MYOF: variants seen among roughly 807,000 people sequenced by gnomAD.
MYOF encodes fer-1-like 3, myoferlin.
Under a neutral mutation model 284.2 loss-of-function variants are expected in MYOF, and 244 were observed. The ratio of observed to expected loss-of-function variants is 0.86; its 90% CI spans 0.77 to 0.95. MYOF has a LOEUF of 0.95. Among genes scored for constraint, MYOF ranks in the 40% least tolerant of loss-of-function variants. The pLI is 0.00. For synonymous variants in MYOF, 904 were observed against 919.7 expected (o/e 0.98, Z 0.31); for missense variants, 2,496 against 2,560.6 (o/e 0.97, Z 0.54).
At chr10:93,361,011 G>A (rs1418461107) in intron 28 of MYOF, among the ~76,000 whole-genome samples, 3 of 152,082 alleles carry the variant, frequency 2.0e-5, no homozygotes, top group Non-Finnish European at 4.4e-5. Context: ...AGTCACAGAC[G>A]GTACCACATG....
intron 3 of MYOF, among the ~76,000 whole-genome samples, chr10:93,432,966 T>A (rs1234526896): frequency 6.6e-6 from 1 of 152,110 alleles, no homozygotes; most frequent in Non-Finnish European, 1.5e-5. Flanking sequence ...AGAACACACA[T>A]TAGCCAGTCT....
intron 50 of MYOF, among the ~76,000 whole-genome samples, chr10:93,315,002 G>T (rs787673): frequency 0.33 from 50,672 of 152,040 alleles, 9,776 homozygotes; most frequent in East Asian, 0.9. Context: ...AGTGATCCTA[G>T]ATCATGCCAC....
intron 5 of MYOF, among the ~76,000 whole-genome samples, chr10:93,414,365 C>T (rs1459001777): frequency 3.9e-5 from 6 of 152,058 alleles, no homozygotes; most frequent in South Asian, 2.1e-4. Context: ...GGCAAAGCCC[C>T]GTTTCTACTA....
At chr10:93,480,810 G>T (rs1026283117) in intron 1 of MYOF, among the ~76,000 whole-genome samples, 8 of 151,946 alleles carry the variant, frequency 5.3e-5, no homozygotes, top group African/African-American at 1.7e-4. Context: ...TCATTTTCTT[G>T]CTCATCCTCA....
chr10:93,339,611 A>G (rs1843789256), intron 39 of MYOF, among the ~76,000 whole-genome samples: 1 of 151,584 alleles, frequency 6.6e-6, no homozygotes, highest in Admixed American at 6.6e-5. Flanking sequence ...CTGGGATTAC[A>G]AGCACTCACC....
intron 12 of MYOF, among the ~76,000 whole-genome samples, chr10:93,400,640 T>C (rs1301099751): frequency 6.6e-6 from 1 of 152,094 alleles, no homozygotes; most frequent in African/African-American, 2.4e-5. Context: ...AAGGGTCCCA[T>C]GTCCCAGAGC....
At chr10:93,363,920 AG>A (rs774007463) in intron 27 of MYOF, 40 bp downstream of exon 27, 3 of 1,578,286 alleles carry the variant, frequency 1.9e-6, no homozygotes, top group South Asian at 2.2e-5. Flanking sequence ...TCACGATCAG[AG>A]GTGACAGGTG....
chr10:93,381,192 G>A, intron 20 of MYOF, 27 bp downstream of exon 20: 2 of 1,612,618 alleles, frequency 1.2e-6, no homozygotes, highest in Non-Finnish European at 1.7e-6. Flanking sequence ...GTAAACGTGT[G>A]GAGAGAACTG....
intron 7 of MYOF, among the ~76,000 whole-genome samples, chr10:93,406,636 C>T (rs929814569): frequency 3.3e-5 from 5 of 151,708 alleles, no homozygotes; most frequent in African/African-American, 1.2e-4. Flanking sequence ...AGTGCCCCAT[C>T]TCTGTGCAGC....
At chr10:93,443,647 T>TCC (rs1564723602) in intron 3 of MYOF, among the ~76,000 whole-genome samples, 3 of 151,892 alleles carry the variant, frequency 2.0e-5, no homozygotes, top group African/African-American at 7.3e-5. Context: ...TGAGTCTCTC[T>TCC]AGGCATTAAG....
chr10:93,335,524 G>A (rs1843557360), intron 41 of MYOF, among the ~76,000 whole-genome samples: 1 of 152,202 alleles, frequency 6.6e-6, no homozygotes, highest in South Asian at 2.1e-4. Context: ...CATGGTAGGG[G>A]CAGTAGGATG....
At chr10:93,338,206 T>C (rs1843705201) in intron 39 of MYOF, 2 of 479,542 alleles carry the variant, frequency 4.2e-6, no homozygotes, top group Non-Finnish European at 7.7e-6. Flanking sequence ...AATTTGTTGG[T>C]TTTTACATTT....
chr10:93,351,674 A>G lies in MYOF; in HGVS notation c.3654T>C (p.Asn1218=). ...PPKVIMELFD[N]DQVGKDEFLG... ...ATTCTAAACGACCTACCACTTGGTC[A>G]TTGTCAAAAAGTTCCATGATAACTT... Residue 1218 remains asparagine (N), a synonymous_variant, in exon 33 of 54, where the codon AAT becomes AAC. Coordinates refer to ENST00000359263, the MANE Select transcript of MYOF (RefSeq NM_013451.4). 6.3e-7 allele frequency: 1 copy of G among 1,586,116 alleles called. No homozygotes were observed. Among genetic ancestry groups the G allele is most frequent in the South Asian group, 1.2e-5 (1 of 86,162 alleles).
intron 16 of MYOF, among the ~76,000 whole-genome samples, chr10:93,394,441 A>G (rs549928135): frequency 2.3e-3 from 176 of 77,122 alleles, no homozygotes; most frequent in Non-Finnish European, 4.0e-3. Flanking sequence ...TTTGGTCACC[A>G]TCTTGTCTTT....
chr10:93,312,397 G>A (rs1382878935), intron 51 of MYOF, among the ~76,000 whole-genome samples: 5 of 152,012 alleles, frequency 3.3e-5, no homozygotes, highest in Admixed American at 6.6e-5. Flanking sequence ...CCAGGCTGGA[G>A]TACAGTGGCA....
intron 3 of MYOF, among the ~76,000 whole-genome samples, chr10:93,442,114 C>T (rs1010857318): frequency 1.3e-5 from 2 of 151,830 alleles, no homozygotes; most frequent in Admixed American, 1.3e-4. Flanking sequence ...CACATGCTTC[C>T]ACTTAAAGAG....
intron 5 of MYOF, 106 bp from the exon 6 acceptor site, chr10:93,409,845 T>G (rs41290208): frequency 3.6e-6 from 5 of 1,389,958 alleles, no homozygotes; most frequent in Non-Finnish European, 4.0e-6. Context: ...GTTTTAAGTG[T>G]TCCTAAAGTG....
chr10:93,340,685 CAAAT>C (rs1271310904), intron 38 of MYOF, among the ~76,000 whole-genome samples: 1 of 152,150 alleles, frequency 6.6e-6, no homozygotes, highest in Non-Finnish European at 1.5e-5. Context: ...GTTACAGCAC[CAAAT>C]AAATACTCAT....
chr10:93,446,721 C>T (rs1364130774), intron 3 of MYOF, among the ~76,000 whole-genome samples: 2 of 151,748 alleles, frequency 1.3e-5, no homozygotes, highest in East Asian at 1.9e-4. Context: ...AGAGTAACCA[C>T]GTGCTCATTT....
Sources: allele counts gnomAD v4.1 joint callset (sites outside exome capture counted in the v4.1 genomes callset), GRCh38; gene constraint gnomAD v4.1.1; transcripts MANE v1.5; gene names NCBI Gene and HGNC (gene_info 2026-07-23, HGNC 2026-07-21).